Variants in KIF15 observed in about 807,000 individuals in gnomAD.
The protein encoded by KIF15 is kinesin family member 15, also known as kinesin-like protein KIF15.
A neutral mutation model predicts 190.6 loss-of-function variants in KIF15; 140 were observed. That is an observed-to-expected ratio of 0.73 (90% CI 0.64 to 0.84). KIF15 has a LOEUF of 0.84. KIF15 is among the 40% of genes least tolerant of loss of function. KIF15 has a pLI of 0.00. For synonymous variants in KIF15, 528 were observed against 551.3 expected, an observed-to-expected ratio of 0.96 and a Z score of 0.59; for missense variants, 1,372 against 1,584.4, an observed-to-expected ratio of 0.87 and a Z score of 2.28.
Position 44,784,871 on chromosome 3 carries a change from C to G in KIF15, c.388C>G (p.His130Asp). ...ACCATCTGAATCTGATAATTTTTCT[C>G]ATAACCTGAGAGGAGTAATCCCACG... ...MGPSESDNFS[H>D]NLRGVIPRSF... The change falls in exon 6 of 35, where the codon CAT becomes GAT. Residue 130 changes from histidine to aspartate, a missense_variant. Physicochemically the swap from His to Asp is moderately conservative, Grantham distance 81. Coordinates refer to ENST00000326047, the MANE Select transcript of KIF15 (RefSeq NM_020242.3). 6.4e-7 allele frequency: 1 copy of G among 1,553,550 alleles called. No homozygotes were observed. The highest frequency in any genetic ancestry group is 8.7e-7 in the Non-Finnish European group (1 of 1,144,692).
At chr3:44,777,344 C>T (rs6770793) in intron 3 of KIF15, among the ~76,000 whole-genome samples, 10,227 of 152,006 alleles carry the variant, frequency 0.067, 1,020 homozygotes, top group African/African-American at 0.21. Context: ...TGTTTTTGGG[C>T]CAACATTTAG....
chr3:44,789,452 A>G (rs924244097), intron 7 of KIF15, among the ~76,000 whole-genome samples: 3 of 151,682 alleles, frequency 2.0e-5, no homozygotes, highest in African/African-American at 4.8e-5. Context: ...TTTTTGAGAC[A>G]TAATTTATGG....
intron 1 of KIF15, among the ~76,000 whole-genome samples, chr3:44,766,255 C>T (rs1389701489): frequency 6.6e-6 from 1 of 152,116 alleles, no homozygotes; most frequent in Non-Finnish European, 1.5e-5. Flanking sequence ...AGCCTGGGGA[C>T]TTGAGTTGGG....
At chr3:44,829,519 T>TATGTGTATATA (rs1318736212) in intron 24 of KIF15, among the ~76,000 whole-genome samples, 1 of 129,654 alleles carries the variant, frequency 7.7e-6, no homozygotes, top group African/African-American at 3.0e-5. Flanking sequence ...GCATATATAT[T>TATGTGTATATA]ATATGTATAT....
chr3:44,783,482 G>T (rs1307212796), intron 5 of KIF15, among the ~76,000 whole-genome samples: 1 of 152,138 alleles, frequency 6.6e-6, no homozygotes, highest in Non-Finnish European at 1.5e-5. Flanking sequence ...TTCATGAGGG[G>T]TTGTGCCCCC....
At position 44,813,091 on chromosome 3, in the gene KIF15, G is replaced by T; in HGVS notation, c.2294G>T (p.Arg765Ile). ...TQMQELFSSE[R>I]IDWTKQQEEL... Reference sequence around the variant, plus strand: ...TTCCCAAAGCTTTTCTCATCAGAAAGAATTGATTGGACCAAACAGCAGGAA... The same window carrying T: ...TTCCCAAAGCTTTTCTCATCAGAAATAATTGATTGGACCAAACAGCAGGAA... The change falls in exon 19 of 35, where the codon AGA becomes ATA. Residue 765 changes from arginine (R) to isoleucine (I), a missense_variant. Physicochemically the swap from Arg to Ile is moderately conservative, Grantham distance 97. Coordinates refer to ENST00000326047, the MANE Select transcript of KIF15 (RefSeq NM_020242.3). 6.3e-7 allele frequency: 1 copy of T among 1,587,512 alleles called. No individual in the cohort carries two copies. The highest frequency in any genetic ancestry group is 8.5e-7 in the Non-Finnish European group (1 of 1,171,712).
chr3:44,804,193 TATTTTGTTGGCC>T (rs1707394692), intron 14 of KIF15, among the ~76,000 whole-genome samples: 1 of 152,182 alleles, frequency 6.6e-6, no homozygotes, highest in South Asian at 2.1e-4. Context: ...CAGTGCCCTT[TATTTTGTTGGCC>T]ATTTTGTTGT....
intron 1 of KIF15, among the ~76,000 whole-genome samples, chr3:44,762,634 A>G (rs1241063707): frequency 6.6e-6 from 1 of 152,196 alleles, no homozygotes; most frequent in Non-Finnish European, 1.5e-5. Flanking sequence ...GGTAATGAGG[A>G]GAGGCCTGGA....
rs1698706218 is a variant in KIF15 at position 44,843,494 on chromosome 3, A to T, written c.3695+260A>T. ...ACATGTGAGATACTTAAAACAAATT[A>T]CTTATATTTAAAAAAATTTTTTTAA... On this transcript the variant is annotated intron_variant, in intron 30 of 34. Coordinates refer to ENST00000326047, the MANE Select transcript of KIF15 (RefSeq NM_020242.3). Among the ~76,000 whole-genome samples, 4 of 152,240 alleles carry T rather than the reference A, an allele frequency of 2.6e-5. No homozygotes were observed. The South Asian group carries it at 8.3e-4, about 32-fold the overall frequency.
intron 8 of KIF15, 106 bp from the exon 9 acceptor site, chr3:44,797,445 C>A: frequency 1.8e-6 from 2 of 1,113,654 alleles, no homozygotes; most frequent in Non-Finnish European, 2.6e-6. Flanking sequence ...TTGTCCCTGA[C>A]TTGCCTTTTC....
chr3:44,858,046 C>G (rs1002138156), downstream of KIF15, among the ~76,000 whole-genome samples: 5 of 152,184 alleles, frequency 3.3e-5, no homozygotes, highest in Non-Finnish European at 5.9e-5. Flanking sequence ...GTCCCTGAAG[C>G]CTTGCGGCAG....
intron 30 of KIF15, among the ~76,000 whole-genome samples, chr3:44,846,885 C>T (rs1365190046): frequency 6.6e-6 from 1 of 151,932 alleles, no homozygotes; most frequent in Non-Finnish European, 1.5e-5. Flanking sequence ...GACTATAGCT[C>T]AGGGGCCTAA....
chr3:44,821,150 CG>C (rs1208070965), intron 20 of KIF15, among the ~76,000 whole-genome samples: 4 of 147,728 alleles, frequency 2.7e-5, no homozygotes, highest in Non-Finnish European at 6.0e-5. Context: ...ACCTCCCTCC[CG>C]GACGGGGCAG....
chr3:44,862,744 C>G (rs1355329211), intron 6 of KIF15: 1 of 151,916 alleles, frequency 6.6e-6, no homozygotes, highest in African/African-American at 2.4e-5. Flanking sequence ...CCTCCCACGT[C>G]GTAGACCAGC....
At chr3:44,795,328 G>A (rs1003892246) in intron 8 of KIF15, among the ~76,000 whole-genome samples, 1 of 152,196 alleles carries the variant, frequency 6.6e-6, no homozygotes, top group Non-Finnish European at 1.5e-5. Context: ...TGCAGAATGA[G>A]TGTAGCATTT....
At chr3:44,780,424 A>C (rs1706110758) in intron 4 of KIF15, among the ~76,000 whole-genome samples, 1 of 152,206 alleles carries the variant, frequency 6.6e-6, no homozygotes, top group African/African-American at 2.4e-5. Flanking sequence ...GGCATAGCAA[A>C]AATTGGAAAC....
At chr3:44,810,088 T>C (rs1252450495) in intron 16 of KIF15, among the ~76,000 whole-genome samples, 1 of 152,058 alleles carries the variant, frequency 6.6e-6, no homozygotes, top group Non-Finnish European at 1.5e-5. Flanking sequence ...ATAATTCTAT[T>C]TCTGGACTTT....
At chr3:44,818,414 T>C (rs750883912) in intron 20 of KIF15, among the ~76,000 whole-genome samples, 12 of 152,326 alleles carry the variant, frequency 7.9e-5, no homozygotes, top group Non-Finnish European at 1.5e-4. Context: ...TGAGATACGT[T>C]CCATCAATAT....
intron 8 of KIF15, among the ~76,000 whole-genome samples, chr3:44,795,715 A>G (rs898197128): frequency 1.3e-5 from 2 of 152,156 alleles, no homozygotes; most frequent in African/African-American, 4.8e-5. Context: ...CGAATTGTCA[A>G]TAAAATATTT....
Sources: allele counts gnomAD v4.1 joint callset (sites outside exome capture counted in the v4.1 genomes callset), GRCh38; gene constraint gnomAD v4.1.1; transcripts MANE v1.5; gene names NCBI Gene and HGNC (gene_info 2026-07-23, HGNC 2026-07-21).